CNTLN: variants seen among roughly 807,000 people sequenced by gnomAD.
The protein encoded by CNTLN is centlein, centrosomal protein.
CNTLN carries 212 observed loss-of-function variants against 180.0 expected under a neutral mutation model. The observed-to-expected ratio is 1.18, with a 90% CI of 1.05 to 1.32. The LOEUF is 1.32. CNTLN is among the 40% of genes most tolerant of loss of function. The pLI, the probability that CNTLN is intolerant of heterozygous loss-of-function variation, is 0.00. For missense variants in CNTLN, 2,095 were observed against 1,610.9 expected (o/e 1.30, Z -5.14); for synonymous variants, 722 against 563.1 (o/e 1.28, Z -3.99).
intron 15 of CNTLN, among the ~76,000 whole-genome samples, chr9:17,401,376 AT>A (rs200584503): frequency 7.7e-4 from 113 of 146,752 alleles, no homozygotes; most frequent in Non-Finnish European, 6.5e-4. Flanking sequence ...CCATATAGAG[AT>A]TTTTTTTTTT....
intron 23 of CNTLN, among the ~76,000 whole-genome samples, chr9:17,483,359 T>C (rs1832741763): frequency 6.6e-6 from 1 of 152,158 alleles, no homozygotes; most frequent in African/African-American, 2.4e-5. Context: ...TGTGGAGATA[T>C]ATATTAGTGC....
chr9:17,486,938 CA>C (rs757993963), intron 24 of CNTLN, 50 bp from the exon 25 acceptor site: 19 of 860,772 alleles, frequency 2.2e-5, no homozygotes, highest in Non-Finnish European at 3.6e-5. Context: ...ATAGTATAAA[CA>C]AGTTCATATA....
At chr9:17,144,505 T>C (rs944037457) in intron 2 of CNTLN, among the ~76,000 whole-genome samples, 1 of 152,156 alleles carries the variant, frequency 6.6e-6, no homozygotes, top group African/African-American at 2.4e-5. Context: ...CTTTTATTTG[T>C]TATTTTTTAA....
intron 5 of CNTLN, among the ~76,000 whole-genome samples, chr9:17,267,120 T>C (rs528276608): frequency 2.0e-5 from 3 of 152,266 alleles, no homozygotes; most frequent in South Asian, 4.1e-4. Flanking sequence ...GTTGATGCAG[T>C]TTCTTCCTAT....
chr9:17,407,030 A>C (rs1827447335), intron 15 of CNTLN, among the ~76,000 whole-genome samples: 1 of 149,522 alleles, frequency 6.7e-6, no homozygotes. Flanking sequence ...GAACATAAAA[A>C]GAGGTAAACA....
intron 5 of CNTLN, among the ~76,000 whole-genome samples, chr9:17,242,611 A>G (rs1263195429): frequency 6.6e-6 from 1 of 152,144 alleles, no homozygotes; most frequent in African/African-American, 2.4e-5. Flanking sequence ...ACACCTGGCC[A>G]GGTTTTGTCT....
intron 23 of CNTLN, among the ~76,000 whole-genome samples, chr9:17,474,800 G>A (rs1378631333): frequency 6.6e-5 from 10 of 151,688 alleles, no homozygotes; most frequent in East Asian, 1.9e-4. Flanking sequence ...CCTGGGAGGC[G>A]GAGGTCGCAG....
intron 6 of CNTLN, among the ~76,000 whole-genome samples, chr9:17,297,538 T>A (rs1007980984): frequency 2.6e-5 from 4 of 151,928 alleles, no homozygotes; most frequent in African/African-American, 9.7e-5. Context: ...AGACTCTTAG[T>A]GCCATCATTA....
At chr9:17,330,979 C>G (rs1010027386) in intron 9 of CNTLN, among the ~76,000 whole-genome samples, 171 bp downstream of exon 9, 3 of 151,872 alleles carry the variant, frequency 2.0e-5, no homozygotes, top group Non-Finnish European at 2.9e-5. Context: ...AAGGAGTTTT[C>G]CCTTTTTAAA....
At position 17,457,671 on chromosome 9, in the gene CNTLN, A is replaced by G. The variant is rs2134159940; in HGVS notation, c.3262A>G (p.Arg1088Gly). 2.0e-6 allele frequency: 3 copies of G among 1,518,654 alleles called. No homozygotes were observed. Among genetic ancestry groups the G allele is most frequent in the Non-Finnish European group, 2.7e-6 (3 of 1,131,966 alleles). 94.1% of individuals were successfully genotyped at this position (1,518,654 alleles called of 1,614,324 possible). ...RIQVTSLSPS[R>G]SMDLEMKQLQ... ...ACAAGTTACATCACTTAGTCCTTCA[A>G]GGAGCATGGATTTGGAAATGAAGCA... is the stretch of plus-strand genomic sequence containing the variant. Residue 1088 changes from arginine to glycine, a missense_variant, in exon 19 of 26, where the codon AGG (arginine) becomes GGG (glycine). Physicochemically the swap from Arg to Gly is moderately radical, Grantham distance 125 (BLOSUM62 -2). Coordinates refer to ENST00000380647, the MANE Select transcript of CNTLN (RefSeq NM_017738.4).
At chr9:17,152,373 T>G (rs1027197725) in intron 2 of CNTLN, among the ~76,000 whole-genome samples, 2 of 152,182 alleles carry the variant, frequency 1.3e-5, no homozygotes, top group Non-Finnish European at 1.5e-5. Flanking sequence ...TTGTTCTCAT[T>G]GGTGTCAAAG....
At chr9:17,374,209 T>C (rs1275394057) in intron 13 of CNTLN, among the ~76,000 whole-genome samples, 1 of 152,026 alleles carries the variant, frequency 6.6e-6, no homozygotes, top group Non-Finnish European at 1.5e-5. Flanking sequence ...ATTTGCAAAC[T>C]ACCCATCTAA....
At chr9:17,448,800 AT>A (rs1489670379) in intron 18 of CNTLN, among the ~76,000 whole-genome samples, 4 of 152,212 alleles carry the variant, frequency 2.6e-5, no homozygotes, top group African/African-American at 9.7e-5. Context: ...TAACAAAAAA[AT>A]ATTGACAAAG....
intron 18 of CNTLN, among the ~76,000 whole-genome samples, chr9:17,421,878 A>G (rs1564092593): frequency 6.6e-6 from 1 of 152,166 alleles, no homozygotes; most frequent in Non-Finnish European, 1.5e-5. Context: ...TTTTAACTTG[A>G]TCCAATCCCC....
chr9:17,417,654 T>C lies in CNTLN; in HGVS notation c.3114+1465T>C, dbSNP rs575296579. Among the ~76,000 whole-genome samples the C allele has an allele frequency of 1.2e-4, 18 of 152,206 alleles. No individual in the cohort carries two copies. In the Middle Eastern group the frequency reaches 0.014, roughly 115 times the overall value. ...TCATTCTCCTTGGAAAAGGATTTTC[T>C]TCATTGAGAGTTTGAAAAGTAGTGG... is the stretch of plus-strand genomic sequence containing the variant. On this transcript the variant is annotated intron_variant, in intron 18 of 25. Coordinates refer to ENST00000380647, the MANE Select transcript of CNTLN (RefSeq NM_017738.4).
intron 23 of CNTLN, among the ~76,000 whole-genome samples, chr9:17,474,965 A>G (rs906053506): frequency 5.9e-5 from 9 of 152,120 alleles, no homozygotes; most frequent in Admixed American, 1.3e-4. Context: ...TTGACTGCCC[A>G]TGAAGGACTC....
In CNTLN at chr9:17,211,851, CTGTT is replaced by C. The variant is rs1470877477; in HGVS notation, c.450-14348_450-14345del. The stretch of plus-strand genomic sequence containing the variant: ...GGGAGTTCACTCATGATTTGGCTCT[CTGTT>C]TGTCTGTTGTTGGTGTATAAGAATG... On this transcript the variant is annotated intron_variant, in intron 2 of 25. Coordinates refer to ENST00000380647, the MANE Select transcript of CNTLN (RefSeq NM_017738.4). 5.9e-5 allele frequency among the ~76,000 whole-genome samples: 9 copies of C among 152,048 alleles called. No individual in the cohort carries two copies. The East Asian group carries it at 1.5e-3, about 26-fold the overall frequency.
At chr9:17,456,099 A>G (rs1281417253) in intron 18 of CNTLN, among the ~76,000 whole-genome samples, 1 of 152,170 alleles carries the variant, frequency 6.6e-6, no homozygotes, top group Non-Finnish European at 1.5e-5. Context: ...GCTGAAAGGA[A>G]TGAAAATGAG....
chr9:17,187,243 T>C (rs561167172), intron 2 of CNTLN, among the ~76,000 whole-genome samples: 1 of 152,112 alleles, frequency 6.6e-6, no homozygotes, highest in African/African-American at 2.4e-5. Context: ...CTTTATCTAC[T>C]TTCTGTGTTA....
Sources: gnomAD v4.1 joint callset for allele counts (sites outside exome capture counted in the v4.1 genomes callset) on GRCh38, gnomAD v4.1.1 for gene constraint, MANE v1.5 for transcripts, NCBI Gene and HGNC (gene_info 2026-07-23, HGNC 2026-07-21) for gene names.